The following ACCSL variants were observed in gnomAD, a reference collection of about 807,000 sequenced individuals.
ACCSL encodes the protein probable inactive 1-aminocyclopropane-1-carboxylate synthase-like protein 2.
Under a neutral mutation model 61.7 loss-of-function variants are expected in ACCSL, and 55 were observed. The ratio of observed to expected loss-of-function variants is 0.89; its 90% confidence interval spans 0.72 to 1.12. The LOEUF (loss-of-function observed/expected upper bound fraction) is 1.12. Ranked by LOEUF, ACCSL falls within the 50% of genes most tolerant of loss-of-function variation. ACCSL has a pLI of 0.00. For synonymous variants in ACCSL, 258 were observed against 264.3 expected (o/e 0.98, Z 0.23); for missense variants, 632 against 698.0 (o/e 0.91, Z 1.07).
chr11:43,924,822 A>G, the ACCSL span, among the ~76,000 whole-genome samples: 2 of 152,202 alleles, frequency 1.3e-5, no homozygotes, highest in East Asian at 3.9e-4. Flanking sequence ...TTCTGCAATC[A>G]GGGCTCCTGC....
At chr11:44,009,657 T>A in the ACCSL span, among the ~76,000 whole-genome samples, 4 of 151,870 alleles carry the variant, frequency 2.6e-5, no homozygotes, top group African/African-American at 9.7e-5. Flanking sequence ...CCCAGCTACT[T>A]GGGAGGCTGA....
the ACCSL span, among the ~76,000 whole-genome samples, chr11:44,018,146 G>T: frequency 2.0e-5 from 3 of 152,042 alleles, no homozygotes; most frequent in Non-Finnish European, 4.4e-5. Context: ...CAGCCCCAGT[G>T]GGGGAAGGAA....
chr11:43,959,285 A>G, the ACCSL span, among the ~76,000 whole-genome samples: 1 of 151,914 alleles, frequency 6.6e-6, no homozygotes, highest in African/African-American at 2.4e-5. Flanking sequence ...AAAAGACAGA[A>G]CAGGGCCATA....
At chr11:43,966,391 A>G in the ACCSL span, among the ~76,000 whole-genome samples, 1 of 150,524 alleles carries the variant, frequency 6.6e-6, no homozygotes, top group East Asian at 1.9e-4. Flanking sequence ...GTGCCACTGC[A>G]CTCCAGCCTG....
the ACCSL span, among the ~76,000 whole-genome samples, chr11:44,009,405 T>C: frequency 2.0e-5 from 3 of 151,862 alleles, no homozygotes; most frequent in Non-Finnish European, 4.4e-5. Flanking sequence ...ATTAGCAGAG[T>C]TGGAAGAGAA....
intron 1 of ACCSL, 170 bp from the exon 2 acceptor site, chr11:44,049,892 A>C: frequency 1.3e-6 from 1 of 783,698 alleles, no homozygotes; most frequent in Non-Finnish European, 2.1e-6. Flanking sequence ...GGAAATTTGC[A>C]AGCTGTACTA....
At chr11:43,966,939 C>A in the ACCSL span, among the ~76,000 whole-genome samples, 68,409 of 151,734 alleles carry the variant, frequency 0.45, 16,076 homozygotes, top group East Asian at 0.61. Context: ...TAGAGATTCC[C>A]ATTATGTATA....
the ACCSL span, among the ~76,000 whole-genome samples, chr11:43,939,412 GA>G: frequency 6.6e-6 from 1 of 152,162 alleles, no homozygotes; most frequent in African/African-American, 2.4e-5. Context: ...TAAGGTTATA[GA>G]AATTGCTTTT....
the ACCSL span, among the ~76,000 whole-genome samples, chr11:44,001,937 C>A: frequency 7.1e-6 from 1 of 141,186 alleles, no homozygotes; most frequent in Admixed American, 7.5e-5. Flanking sequence ...TGTCCTCACC[C>A]CGCTGCACCC....
chr11:44,021,106 CT>C, the ACCSL span, among the ~76,000 whole-genome samples: 1 of 152,048 alleles, frequency 6.6e-6, no homozygotes, highest in African/African-American at 2.4e-5. Flanking sequence ...GTGCAAGTGT[CT>C]TTTTCATATA....
At chr11:43,942,951 A>G in the ACCSL span, 3 of 1,473,702 alleles carry the variant, frequency 2.0e-6, no homozygotes, top group Non-Finnish European at 1.8e-6. Flanking sequence ...TCCAGTTACC[A>G]GGCGGTGATG....
the ACCSL span, among the ~76,000 whole-genome samples, chr11:44,011,295 A>G: frequency 6.6e-6 from 1 of 152,102 alleles, no homozygotes; most frequent in Non-Finnish European, 1.5e-5. Flanking sequence ...TGGCTCCAGT[A>G]CTTCTCCCCA....
chr11:44,040,370 G>A, the ACCSL span, among the ~76,000 whole-genome samples: 1 of 152,186 alleles, frequency 6.6e-6, no homozygotes. Context: ...ACCCTCCAAA[G>A]TTTGAGAACC....
chr11:44,037,290 A>AACC, the ACCSL span, among the ~76,000 whole-genome samples: 1 of 152,240 alleles, frequency 6.6e-6, no homozygotes, highest in African/African-American at 2.4e-5. Flanking sequence ...GACAGTGACC[A>AACC]AGGTACCCAA....
At chr11:44,044,625 G>C (rs1395657241), upstream of ACCSL, among the ~76,000 whole-genome samples, 1 of 152,128 alleles carries the variant, frequency 6.6e-6, no homozygotes, top group Admixed American at 6.5e-5. Context: ...GAGGAGGCTG[G>C]TGTGTGGCAA....
the ACCSL span, among the ~76,000 whole-genome samples, chr11:43,927,757 G>A: frequency 7.2e-5 from 11 of 152,316 alleles, no homozygotes; most frequent in Non-Finnish European, 1.6e-4. Context: ...AGTGGTGTTT[G>A]AGCAGATCTG....
chr11:43,997,908 A>C, the ACCSL span, among the ~76,000 whole-genome samples: 1 of 152,200 alleles, frequency 6.6e-6, no homozygotes, highest in African/African-American at 2.4e-5. Flanking sequence ...GGGGAAATAG[A>C]CAAGGGAGAA....
At chr11:44,014,355 C>T in the ACCSL span, among the ~76,000 whole-genome samples, 5 of 152,222 alleles carry the variant, frequency 3.3e-5, no homozygotes, top group South Asian at 2.1e-4. Flanking sequence ...CCTTGGCAGG[C>T]GGCGATGCCT....
the ACCSL span, chr11:43,942,627 G>A: frequency 1.0e-5 from 3 of 298,990 alleles, no homozygotes; most frequent in South Asian, 2.5e-5. Flanking sequence ...GAGCCTGGCC[G>A]CCGCGGGGCA....
Sources: allele counts gnomAD v4.1 joint callset (sites outside exome capture counted in the v4.1 genomes callset), GRCh38; gene constraint gnomAD v4.1.1; transcripts MANE v1.5; gene names NCBI Gene and HGNC (gene_info 2026-07-23, HGNC 2026-07-21).